Variants in CACUL1 observed in about 807,000 individuals in gnomAD.
The protein encoded by CACUL1 is CDK2-associated and cullin domain-containing protein 1.
In CACUL1, 13 loss-of-function variants were observed where a neutral mutation model predicts 45.2. The ratio of observed to expected loss-of-function variants is 0.29; its 90% confidence interval spans 0.19 to 0.46. The LOEUF (loss-of-function observed/expected upper bound fraction) is 0.46. CACUL1 is among the 20% of genes least tolerant of loss of function. CACUL1 has a pLI of 1.00. For synonymous variants in CACUL1, 197 were observed against 174.2 expected (o/e 1.13, Z -1.03); for missense variants, 421 against 471.4 (o/e 0.89, Z 0.99).
In CACUL1 at chr10:118,707,569, A is replaced by G; in HGVS notation, c.616T>C (p.Tyr206His). 6.5e-7 allele frequency: 1 copy of G among 1,547,170 alleles called. No individual in the cohort carries two copies. ...AGAGCTATATTAAATCTTTCAATAT[A>G]GAGATCTGGAGGGCTGGCCTGTGAG... ...KELQASPPDL[Y>H]IERFNIALGQ... The change falls in exon 4 of 9, where the codon TAT becomes CAT. Residue 206 changes from tyrosine to histidine, a missense_variant. Tyr to His is a moderately conservative substitution (Grantham distance 83). Around this residue, in one of 2 missense-constraint regions of CACUL1, gnomAD observed 208 missense variants for 298.4 expected, o/e 0.70. Coordinates refer to ENST00000369151, the MANE Select transcript of CACUL1 (RefSeq NM_153810.5).
intron 5 of CACUL1, among the ~76,000 whole-genome samples, chr10:118,697,405 C>T (rs1042015226): frequency 5.3e-5 from 8 of 152,164 alleles, no homozygotes; most frequent in Non-Finnish European, 1.2e-4. Flanking sequence ...CTTGCTTATA[C>T]GCAACAATCA....
intron 3 of CACUL1, among the ~76,000 whole-genome samples, chr10:118,716,341 C>G (rs1483910866): frequency 3.4e-5 from 5 of 145,746 alleles, no homozygotes; most frequent in African/African-American, 1.3e-4. Flanking sequence ...GTGTCTGTTT[C>G]TAAACAAATA....
chr10:118,699,990 C>T (rs1845363171), intron 5 of CACUL1, among the ~76,000 whole-genome samples: 1 of 148,560 alleles, frequency 6.7e-6, no homozygotes, highest in Non-Finnish European at 1.5e-5. Context: ...CCCAGCCTTA[C>T]AAAAAAAAAT....
chr10:118,736,013 GA>G (rs912078996), intron 1 of CACUL1, among the ~76,000 whole-genome samples: 2 of 152,160 alleles, frequency 1.3e-5, no homozygotes, highest in Admixed American at 6.5e-5. Flanking sequence ...GCTCATCTGT[GA>G]ATAACAATCT....
At chr10:118,748,733 T>G (rs924479538) in intron 1 of CACUL1, among the ~76,000 whole-genome samples, 5 of 152,182 alleles carry the variant, frequency 3.3e-5, no homozygotes, top group African/African-American at 1.2e-4. Flanking sequence ...CCAAAACACT[T>G]CTGGCCCCAA....
At chr10:118,741,124 CTT>C (rs1289595350) in intron 1 of CACUL1, among the ~76,000 whole-genome samples, 2 of 152,174 alleles carry the variant, frequency 1.3e-5, no homozygotes, top group Admixed American at 6.5e-5. Flanking sequence ...AAATGACTGA[CTT>C]TGAGTAACGG....
intron 7 of CACUL1, among the ~76,000 whole-genome samples, chr10:118,687,783 T>TTTACTAC (rs1845222649): frequency 6.6e-6 from 1 of 152,226 alleles, no homozygotes; most frequent in Non-Finnish European, 1.5e-5. Flanking sequence ...ATGTCAGCAC[T>TTTACTAC]TTACTACTTA....
intron 5 of CACUL1, among the ~76,000 whole-genome samples, chr10:118,697,204 A>G (rs2119564969): frequency 6.6e-6 from 1 of 152,332 alleles, no homozygotes; most frequent in Middle Eastern, 3.4e-3. Context: ...TACTTTACAT[A>G]TATTTAATTC....
In CACUL1 at chr10:118,695,127, T is replaced by A. The variant is rs772706490; in HGVS notation, c.886+14A>T. On this transcript the variant is annotated intron_variant, in intron 6 of 8. Coordinates refer to ENST00000369151, the MANE Select transcript of CACUL1 (RefSeq NM_153810.5). ...CAAACAGTTCCAATCCCAACAGAAA[T>A]GAGAAATGTTTACCTGGTCTGAGGG... 1 of 1,466,290 alleles carries A rather than the reference T, an allele frequency of 6.8e-7. No homozygotes were observed. Among genetic ancestry groups the A allele is most frequent in the East Asian group, 2.3e-5 (1 of 44,078 alleles). 90.8% of individuals were successfully genotyped at this position (1,466,290 alleles called of 1,614,324 possible). A position where few individuals can be genotyped will look rare whatever the true frequency, so the allele number is the denominator to read the frequency against.
Position 118,686,153 on chromosome 10 carries a change from C to A in CACUL1, c.1085G>T (p.Cys362Phe). The A allele has an allele frequency of 1.2e-6, 2 of 1,613,190 alleles. No individual in the cohort carries two copies. Residue 362 changes from cysteine (C) to phenylalanine (F), a missense_variant, in exon 9 of 9, where the codon TGT becomes TTT. Around this residue, in one of 2 missense-constraint regions of CACUL1, gnomAD observed 208 missense variants for 298.4 expected, o/e 0.70. Transcript: ENST00000369151. Reference sequence around the variant, plus strand: ...CTATCTGTACCCCCTGGAACTTGCACATGCTGACGAGCTATCTGAAAAAAC... The same window carrying A: ...CTATCTGTACCCCCTGGAACTTGCAAATGCTGACGAGCTATCTGAAAAAAC... ...DELAYNSSSA[C>F]ASSRGYR
At chr10:118,700,469 G>A (rs892311687) in intron 5 of CACUL1, among the ~76,000 whole-genome samples, 2 of 152,116 alleles carry the variant, frequency 1.3e-5, no homozygotes, top group Non-Finnish European at 2.9e-5. Context: ...TGTAATCCCA[G>A]CACTTTGGGA....
In CACUL1 at chr10:118,689,065, G is replaced by C. The variant is rs1393772414; in HGVS notation, c.1025+2200C>G. Among the ~76,000 whole-genome samples, 4 of 152,206 alleles carry C rather than the reference G, an allele frequency of 2.6e-5. No individual in the cohort carries two copies. The South Asian group carries it at 8.3e-4, about 31-fold the overall frequency. On this transcript the variant is annotated intron_variant, in intron 7 of 8. Transcript: ENST00000369151. The stretch of plus-strand genomic sequence containing the variant: ...GTTGGTTAGGCATAAACCATAAAAT[G>C]ACTGCTCAGATAAGAAGAGGCAGAA...
At chr10:118,717,180 T>G (rs999107077) in intron 3 of CACUL1, among the ~76,000 whole-genome samples, 2 of 152,170 alleles carry the variant, frequency 1.3e-5, no homozygotes, top group Non-Finnish European at 2.9e-5. Flanking sequence ...CTTAAGCCTC[T>G]TCCAAGAAAT....
intron 3 of CACUL1, among the ~76,000 whole-genome samples, chr10:118,715,533 A>G (rs67234429): frequency 0.24 from 36,782 of 152,176 alleles, 5,625 homozygotes; most frequent in South Asian, 0.37. Context: ...TATGGTAACC[A>G]CTGGCCACGT....
intron 1 of CACUL1, among the ~76,000 whole-genome samples, chr10:118,738,860 G>T (rs757718176): frequency 6.7e-5 from 7 of 104,940 alleles, no homozygotes; most frequent in Middle Eastern, 5.4e-3. Flanking sequence ...ATTAAAAACA[G>T]TGTCATAAAA....
chr10:118,731,366 A>C (rs1222832896), intron 1 of CACUL1, among the ~76,000 whole-genome samples: 1 of 152,208 alleles, frequency 6.6e-6, no homozygotes, highest in Non-Finnish European at 1.5e-5. Context: ...AAGCCTTCCC[A>C]GTATCTTTTT....
rs1376692780 is a variant in CACUL1, at chr10:118,681,398, T to C, written c.*4730A>G. 1 of 152,198 alleles carries C rather than the reference T, an allele frequency of 6.6e-6. No homozygotes were observed. Among genetic ancestry groups the C allele is most frequent in the East Asian group, 1.9e-4 (1 of 5,202 alleles). The allele number at this position is 152,198 out of a possible 1,614,324, so 9.4% of individuals were successfully genotyped here. On this transcript the variant is annotated 3_prime_UTR_variant, in exon 9 of 9. Coordinates refer to ENST00000369151, the MANE Select transcript of CACUL1 (RefSeq NM_153810.5). ...AGTGTGTGGCTGTAATATTGACAAATAGAACTAATGAGAGTGAACTGCCAT... is the reference window on the plus strand; with the variant it reads ...AGTGTGTGGCTGTAATATTGACAAACAGAACTAATGAGAGTGAACTGCCAT...
At chr10:118,737,027 A>G (rs1845746925) in intron 1 of CACUL1, among the ~76,000 whole-genome samples, 1 of 152,024 alleles carries the variant, frequency 6.6e-6, no homozygotes, top group Non-Finnish European at 1.5e-5. Context: ...ATGTTCCCAC[A>G]GTGTACAAAA....
At chr10:118,697,956 T>G (rs998352525) in intron 5 of CACUL1, among the ~76,000 whole-genome samples, 2 of 152,210 alleles carry the variant, frequency 1.3e-5, no homozygotes, top group African/African-American at 4.8e-5. Context: ...TAAAAATGAT[T>G]ATACCATGGA....
Sources: gnomAD v4.1 joint callset for allele counts (sites outside exome capture counted in the v4.1 genomes callset) on GRCh38, gnomAD v4.1.1 for gene constraint, gnomAD v4.1.1 regional missense constraint, MANE v1.5 for transcripts, NCBI Gene and HGNC (gene_info 2026-07-23, HGNC 2026-07-21) for gene names.